MCPH1: variants seen among roughly 807,000 people sequenced by gnomAD.
MCPH1 encodes the protein microcephalin.
In MCPH1, 104 loss-of-function variants were observed where a neutral mutation model predicts 84.5. That is an observed-to-expected ratio of 1.23 (90% CI 1.05 to 1.45). MCPH1 has a LOEUF of 1.45. Among genes scored for constraint, MCPH1 ranks in the 40% most tolerant of loss-of-function variants. The pLI, the probability that MCPH1 is intolerant of heterozygous loss-of-function variation, is 0.00. For synonymous variants in MCPH1, 514 were observed against 366.8 expected (o/e 1.40, Z -4.58); for missense variants, 1,498 against 1,005.7 (o/e 1.49, Z -6.62).
At chr8:6,505,239 A>AATAT (rs3990064) in intron 12 of MCPH1, among the ~76,000 whole-genome samples, 43,660 of 60,718 alleles carry the variant, frequency 0.72, 16,656 homozygotes, top group East Asian at 0.87. Flanking sequence ...GTATATATAG[A>AATAT]ATATATATTC....
At chr8:6,420,754 A>C (rs1157845876) in intron 3 of MCPH1, among the ~76,000 whole-genome samples, 1 of 152,168 alleles carries the variant, frequency 6.6e-6, no homozygotes, top group Non-Finnish European at 1.5e-5. Flanking sequence ...CTTATACATA[A>C]GCAAATGTAA....
At chr8:6,567,810 G>T (rs988802679) in intron 12 of MCPH1, among the ~76,000 whole-genome samples, 2 of 152,124 alleles carry the variant, frequency 1.3e-5, no homozygotes, top group Non-Finnish European at 2.9e-5. Context: ...AGAAAATCTT[G>T]GGTGTTCCTC....
At chr8:6,638,103 A>T (rs1797687591) in intron 13 of MCPH1, among the ~76,000 whole-genome samples, 1 of 149,962 alleles carries the variant, frequency 6.7e-6, no homozygotes, top group Admixed American at 6.6e-5. Context: ...CACATGTGAT[A>T]TGAGCAGATG....
At chr8:6,411,384 G>A (rs1200648836) in intron 2 of MCPH1, among the ~76,000 whole-genome samples, 1 of 152,172 alleles carries the variant, frequency 6.6e-6, no homozygotes, top group African/African-American at 2.4e-5. Flanking sequence ...AAAAGCAAGT[G>A]ACCAAAAGCA....
At chr8:6,447,589 C>T (rs759984925) in intron 8 of MCPH1, among the ~76,000 whole-genome samples, 45 of 152,284 alleles carry the variant, frequency 3.0e-4, no homozygotes, top group Non-Finnish European at 4.4e-4. Flanking sequence ...TCGCACTTGA[C>T]GCCCAGGTTG....
At chr8:6,449,880 A>C (rs1391408198) in intron 8 of MCPH1, among the ~76,000 whole-genome samples, 1 of 152,188 alleles carries the variant, frequency 6.6e-6, no homozygotes, top group African/African-American at 2.4e-5. Flanking sequence ...TGAATTGCCA[A>C]GTAGTTAAAG....
At chr8:6,630,912 G>A (rs1291606539) in intron 13 of MCPH1, among the ~76,000 whole-genome samples, 1 of 152,132 alleles carries the variant, frequency 6.6e-6, no homozygotes, top group African/African-American at 2.4e-5. Context: ...AAAGGCACCT[G>A]TACATGGGAA....
intron 12 of MCPH1, among the ~76,000 whole-genome samples, chr8:6,576,448 C>G (rs951611797): frequency 6.6e-6 from 1 of 152,030 alleles, no homozygotes; most frequent in African/African-American, 2.4e-5. Flanking sequence ...GAGGCCAGGC[C>G]TTATTGGAAT....
At chr8:6,413,149 CT>C (rs1798775273) in intron 2 of MCPH1, among the ~76,000 whole-genome samples, 1 of 152,138 alleles carries the variant, frequency 6.6e-6, no homozygotes, top group Admixed American at 6.6e-5. Context: ...ATACTGTTAC[CT>C]TTGACTAATA....
intron 12 of MCPH1, among the ~76,000 whole-genome samples, chr8:6,538,527 G>A (rs1007572716): frequency 2.2e-4 from 33 of 152,234 alleles, no homozygotes; most frequent in African/African-American, 7.5e-4. Context: ...CTGATCTTGT[G>A]GGCCTCAGAC....
intron 3 of MCPH1, among the ~76,000 whole-genome samples, chr8:6,430,232 T>A (rs2916764): frequency 0.015 from 2,260 of 152,348 alleles, 56 homozygotes; most frequent in African/African-American, 0.051. Context: ...TGTTCTTTTT[T>A]AAATTTGTAC....
rs115375310 is a variant in MCPH1 at position 6,621,788 on chromosome 8, C to T, written c.2452+97C>T. 2.9e-3 allele frequency: 4,325 copies of T among 1,515,432 alleles called. 94 individuals are homozygous for T. In the African/African-American group the frequency reaches 0.05, roughly 18 times the overall value. 93.9% of individuals were successfully genotyped at this position (1,515,432 alleles called of 1,614,324 possible). A position where few individuals can be genotyped will look rare whatever the true frequency, so the allele number is the denominator to read the frequency against. On this transcript the variant is annotated intron_variant, in intron 13 of 13. Transcript: ENST00000344683. ...CAGGCTCACACCCCCTTCCACGCAG[C>T]TGGGGCACCTGGGTTGATGTCTCAG...
intron 11 of MCPH1, among the ~76,000 whole-genome samples, chr8:6,486,417 G>A (rs1214052558): frequency 6.6e-6 from 1 of 152,050 alleles, no homozygotes. Context: ...GAAAAACACT[G>A]CTGAGCATGT....
chr8:6,480,967 C>CCTGA, intron 11 of MCPH1, 91 bp downstream of exon 11: 1 of 1,433,346 alleles, frequency 7.0e-7, no homozygotes, highest in Non-Finnish European at 9.7e-7. Context: ...CTCAGGCCGG[C>CCTGA]GTGCACCCTT....
intron 3 of MCPH1, among the ~76,000 whole-genome samples, chr8:6,416,372 G>A (rs901108791): frequency 6.6e-6 from 1 of 152,150 alleles, no homozygotes. Flanking sequence ...GAGAATGGAC[G>A]TCCTTGTGTT....
intron 12 of MCPH1, among the ~76,000 whole-genome samples, chr8:6,504,389 C>T (rs148062929): frequency 1.1e-4 from 17 of 151,876 alleles, no homozygotes; most frequent in Non-Finnish European, 2.1e-4. Flanking sequence ...GATAAAATCT[C>T]CTGATGCCCA....
At chr8:6,633,365 G>A (rs1465430544) in intron 13 of MCPH1, among the ~76,000 whole-genome samples, 1 of 152,162 alleles carries the variant, frequency 6.6e-6, no homozygotes, top group Non-Finnish European at 1.5e-5. Flanking sequence ...GAAATCTTTA[G>A]CATTTGTATA....
chr8:6,622,957 C>T (rs989496911), intron 13 of MCPH1, among the ~76,000 whole-genome samples: 3 of 151,880 alleles, frequency 2.0e-5, no homozygotes, highest in Non-Finnish European at 4.4e-5. Context: ...TCTCCTGCCT[C>T]AGCCTCCCAA....
chr8:6,468,572 A>C (rs950149808), intron 9 of MCPH1, among the ~76,000 whole-genome samples: 1 of 151,756 alleles, frequency 6.6e-6, no homozygotes, highest in African/African-American at 2.4e-5. Context: ...CATCTTTTTA[A>C]TTGAGGTGGT....
Sources: gnomAD v4.1 joint callset for allele counts (sites outside exome capture counted in the v4.1 genomes callset) on GRCh38, gnomAD v4.1.1 for gene constraint, MANE v1.5 for transcripts, NCBI Gene and HGNC (gene_info 2026-07-23, HGNC 2026-07-21) for gene names.